PREX1: variants seen among roughly 807,000 people sequenced by gnomAD.
PREX1 encodes phosphatidylinositol-3,4,5-trisphosphate dependent Rac exchange factor 1.
Under a neutral mutation model 198.3 loss-of-function variants are expected in PREX1, and 41 were observed. The observed-to-expected ratio is 0.21, with a 90% CI of 0.16 to 0.27. The LOEUF (loss-of-function observed/expected upper bound fraction) is 0.27, where lower values mean the gene tolerates loss of function less well. Among genes scored for constraint, PREX1 ranks in the 10% least tolerant of loss-of-function variants. The pLI is 1.00. For missense variants in PREX1, 1,620 were observed against 2,200.7 expected (o/e 0.74, Z 5.28); for synonymous variants, 843 against 887.2 (o/e 0.95, Z 0.89).
At chr20:48,806,522 T>C (rs2090412444) in intron 1 of PREX1, among the ~76,000 whole-genome samples, 1 of 152,152 alleles carries the variant, frequency 6.6e-6, no homozygotes, top group Non-Finnish European at 1.5e-5. Context: ...AAATGAAACA[T>C]CTTTTGCACA....
chr20:48,783,064 T>C (rs1325764220), intron 1 of PREX1, among the ~76,000 whole-genome samples: 1 of 152,196 alleles, frequency 6.6e-6, no homozygotes. Context: ...ACTCACCAGC[T>C]GCGTGACCTT....
At chr20:48,762,206 G>A (rs2090183717) in intron 1 of PREX1, among the ~76,000 whole-genome samples, 1 of 152,164 alleles carries the variant, frequency 6.6e-6, no homozygotes, top group South Asian at 2.1e-4. Flanking sequence ...GTCAGAAATG[G>A]TCTAAAATCC....
chr20:48,675,407 T>G (rs991726157), intron 14 of PREX1, among the ~76,000 whole-genome samples: 1 of 152,312 alleles, frequency 6.6e-6, no homozygotes, highest in African/African-American at 2.4e-5. Flanking sequence ...ACAAATAGAC[T>G]AACACACAAT....
At chr20:48,771,870 T>C (rs558353617) in intron 1 of PREX1, among the ~76,000 whole-genome samples, 1 of 152,304 alleles carries the variant, frequency 6.6e-6, no homozygotes, top group African/African-American at 2.4e-5. Context: ...TTTGCTATTA[T>C]TATTACTTGC....
At chr20:48,808,438 A>T (rs1370739691) in intron 1 of PREX1, among the ~76,000 whole-genome samples, 1 of 152,208 alleles carries the variant, frequency 6.6e-6, no homozygotes, top group Non-Finnish European at 1.5e-5. Flanking sequence ...TGAGCAGCAC[A>T]GGAGGACAAA....
chr20:48,639,778 T>A lies in PREX1; in HGVS notation c.3892A>T (p.Arg1298Ter). 6.2e-7 allele frequency: 1 copy of A among 1,613,988 alleles called. No homozygotes were observed. The highest frequency in any genetic ancestry group is 8.5e-7 in the Non-Finnish European group (1 of 1,179,966). ...SIKTLVDNIQRYVEDGKNQLL... is the reference protein window; with the variant it reads ...SIKTLVDNIQ Reference sequence around the variant, plus strand: ...CCTGCCCACCGACCTTCCACATATCTCTGAATGTTGTCCACCAGGGTCTTG... The same window carrying A: ...CCTGCCCACCGACCTTCCACATATCACTGAATGTTGTCCACCAGGGTCTTG... The change falls in exon 30 of 40, where the codon AGA becomes TGA. Residue 1298 changes from arginine (R) to a stop codon, truncating the protein, a stop_gained. Transcript: ENST00000371941. LOFTEE classifies it high-confidence loss of function.
chr20:48,819,591 G>T (rs1046266775), intron 1 of PREX1, among the ~76,000 whole-genome samples: 1 of 152,210 alleles, frequency 6.6e-6, no homozygotes, highest in Non-Finnish European at 1.5e-5. Flanking sequence ...TTCCCCATCT[G>T]CAAAATAGGT....
intron 17 of PREX1, 69 bp downstream of exon 17, chr20:48,658,067 G>A: frequency 6.9e-7 from 1 of 1,442,872 alleles, no homozygotes; most frequent in Non-Finnish European, 9.5e-7. Flanking sequence ...CTGCCTCAAG[G>A]AGGGTGAAGA....
rs146651491 is a variant in PREX1 at position 48,651,019 on chromosome 20, C to A, written c.2692G>T (p.Val898Leu). Residue 898 changes from valine (V) to leucine (L), a missense_variant, in exon 23 of 40, where the codon GTG becomes TTG. Around this residue, in one of 7 missense-constraint regions of PREX1, gnomAD observed 514 missense variants for 611.6 expected, o/e 0.84. Transcript: ENST00000371941. Reference protein sequence around the residue: ...EAFAANDSVFVENCRRLMALS... With the variant: ...EAFAANDSVFLENCRRLMALS... ...GCCATGAGCCGCCTGCAGTTCTCCA[C>A]GAAGACGCTGTCATTGGCAGCAAAG... 3 of 1,614,160 alleles carry A rather than the reference C, an allele frequency of 1.9e-6. No homozygotes were observed. In the East Asian group the frequency reaches 6.7e-5, roughly 36 times the overall value.
intron 5 of PREX1, among the ~76,000 whole-genome samples, chr20:48,717,449 G>A (rs2089967194): frequency 6.6e-6 from 1 of 151,024 alleles, no homozygotes; most frequent in Non-Finnish European, 1.5e-5. Flanking sequence ...TACCTAGGGT[G>A]ACAGCAGAAT....
chr20:48,823,549 T>A (rs2090496633), intron 1 of PREX1, among the ~76,000 whole-genome samples: 2 of 152,174 alleles, frequency 1.3e-5, no homozygotes, highest in African/African-American at 4.8e-5. Flanking sequence ...ACCAGCAGCA[T>A]GACTCCAGAG....
At chr20:48,808,376 G>A (rs1437554497) in intron 1 of PREX1, among the ~76,000 whole-genome samples, 4 of 152,178 alleles carry the variant, frequency 2.6e-5, no homozygotes, top group Non-Finnish European at 5.9e-5. Flanking sequence ...CTGTGCAGAT[G>A]AGAAAATAGA....
At chr20:48,863,080 A>G in the PREX1 span, among the ~76,000 whole-genome samples, 2 of 152,042 alleles carry the variant, frequency 1.3e-5, no homozygotes. Context: ...CTCCCACCTC[A>G]GCCTCCCAAA....
the PREX1 span, among the ~76,000 whole-genome samples, chr20:48,881,792 C>A: frequency 3.9e-5 from 6 of 152,224 alleles, no homozygotes; most frequent in African/African-American, 1.4e-4. Flanking sequence ...GCCTACAATT[C>A]ATCTTTAAGT....
chr20:48,747,248 G>A (rs975995533), intron 2 of PREX1, among the ~76,000 whole-genome samples: 1 of 152,242 alleles, frequency 6.6e-6, no homozygotes, highest in Non-Finnish European at 1.5e-5. Flanking sequence ...GCAGCTCAGA[G>A]AGTGAGGTCA....
At chr20:48,767,040 T>C (rs1443477733) in intron 1 of PREX1, among the ~76,000 whole-genome samples, 3 of 152,216 alleles carry the variant, frequency 2.0e-5, no homozygotes, top group Non-Finnish European at 4.4e-5. Flanking sequence ...CCTGCTGACC[T>C]GGTTGCCAAA....
chr20:48,774,740 C>G (rs1234964049), intron 1 of PREX1, among the ~76,000 whole-genome samples: 1 of 152,234 alleles, frequency 6.6e-6, no homozygotes, highest in Non-Finnish European at 1.5e-5. Context: ...GTGGCTGGAC[C>G]CGCACGGCTG....
At chr20:48,759,603 G>C (rs1176771881) in intron 1 of PREX1, among the ~76,000 whole-genome samples, 1 of 147,508 alleles carries the variant, frequency 6.8e-6, no homozygotes, top group African/African-American at 2.5e-5. Flanking sequence ...TACAGGCAAA[G>C]CATTTAAATG....
chr20:48,719,319 C>G (rs866765913), intron 5 of PREX1, among the ~76,000 whole-genome samples: 1 of 152,172 alleles, frequency 6.6e-6, no homozygotes, highest in African/African-American at 2.4e-5. Flanking sequence ...CCCCCAACTC[C>G]CCAACAAGGG....
Sources: allele counts gnomAD v4.1 joint callset (sites outside exome capture counted in the v4.1 genomes callset), GRCh38; gene constraint gnomAD v4.1.1; regional missense constraint gnomAD v4.1.1; transcripts MANE v1.5; gene names NCBI Gene and HGNC (gene_info 2026-07-23, HGNC 2026-07-21).